LRP1B: variants seen among roughly 807,000 people sequenced by gnomAD.
The protein encoded by LRP1B is LDL receptor related protein 1B, also known as low-density lipoprotein receptor-related protein 1B.
LRP1B carries 217 observed loss-of-function variants against 556.6 expected under a neutral mutation model. The ratio of observed to expected loss-of-function variants is 0.39; its 90% CI spans 0.35 to 0.44. LRP1B has a LOEUF of 0.44. Among genes scored for constraint, LRP1B ranks in the 20% least tolerant of loss-of-function variants. The pLI is 1.00. For missense variants in LRP1B, 5,053 were observed against 5,620.8 expected, an observed-to-expected ratio of 0.90 and a Z score of 3.23; for synonymous variants, 2,047 against 1,865.8, an observed-to-expected ratio of 1.10 and a Z score of -2.50.
intron 1 of LRP1B, among the ~76,000 whole-genome samples, chr2:142,039,859 A>G (rs1047331451): frequency 6.6e-6 from 1 of 151,500 alleles, no homozygotes; most frequent in Non-Finnish European, 1.5e-5. Flanking sequence ...TGCTTGACCA[A>G]ATTGGAGCAT....
intron 2 of LRP1B, among the ~76,000 whole-genome samples, chr2:141,591,581 G>GGTGTGT (rs72043982): frequency 0.083 from 12,343 of 148,126 alleles, 649 homozygotes; most frequent in East Asian, 0.16. Flanking sequence ...ACTGCAGAGT[G>GGTGTGT]GTGTGTGTGT....
intron 35 of LRP1B, among the ~76,000 whole-genome samples, chr2:140,746,342 G>A (rs1688315366): frequency 6.6e-6 from 1 of 152,002 alleles, no homozygotes; most frequent in Non-Finnish European, 1.5e-5. Flanking sequence ...AAACTAAAAC[G>A]AATCATTTTT....
At chr2:141,324,554 T>C (rs986889998) in intron 3 of LRP1B, among the ~76,000 whole-genome samples, 1 of 152,084 alleles carries the variant, frequency 6.6e-6, no homozygotes, top group Non-Finnish European at 1.5e-5. Context: ...ATTAAGAGGA[T>C]GGGAGAGGAA....
intron 15 of LRP1B, among the ~76,000 whole-genome samples, chr2:140,998,161 C>T (rs1213061296): frequency 6.6e-6 from 1 of 152,012 alleles, no homozygotes; most frequent in African/African-American, 2.4e-5. Context: ...ATAAAGATCA[C>T]AGAGTACCAT....
At chr2:141,510,234 A>ACACCC (rs767916859) in intron 2 of LRP1B, among the ~76,000 whole-genome samples, 158 of 145,356 alleles carry the variant, frequency 1.1e-3, no homozygotes, top group African/African-American at 3.9e-3. Context: ...ACACACACAC[A>ACACCC]CCCCCCACAG....
intron 3 of LRP1B, among the ~76,000 whole-genome samples, chr2:141,378,348 T>G (rs572501871): frequency 6.6e-6 from 1 of 151,788 alleles, no homozygotes; most frequent in Admixed American, 6.6e-5. Flanking sequence ...CAACCACGAG[T>G]AAAACTACAG....
At chr2:141,704,792 A>G (rs192106209) in intron 2 of LRP1B, among the ~76,000 whole-genome samples, 1 of 152,006 alleles carries the variant, frequency 6.6e-6, no homozygotes, top group African/African-American at 2.4e-5. Flanking sequence ...GTCATCAACC[A>G]TTATCTGGTA....
intron 3 of LRP1B, among the ~76,000 whole-genome samples, chr2:141,308,844 C>G (rs974839600): frequency 6.6e-6 from 1 of 151,984 alleles, no homozygotes; most frequent in Non-Finnish European, 1.5e-5. Flanking sequence ...TACCAAATAG[C>G]CTTTTTGTCC....
intron 60 of LRP1B, among the ~76,000 whole-genome samples, chr2:140,464,213 TAATA>T (rs538076322): frequency 1.3e-3 from 204 of 151,398 alleles, no homozygotes; most frequent in Non-Finnish European, 2.1e-3. Flanking sequence ...ATAATAATAA[TAATA>T]AATAAAATAA....
At chr2:140,765,163 G>A (rs1411168114) in intron 35 of LRP1B, among the ~76,000 whole-genome samples, 2 of 151,980 alleles carry the variant, frequency 1.3e-5, no homozygotes, top group Middle Eastern at 3.2e-3. Flanking sequence ...CAACTTAGAC[G>A]TGAAGTTCTA....
chr2:140,571,544 G>C (rs1401904867), intron 43 of LRP1B, among the ~76,000 whole-genome samples: 1 of 151,676 alleles, frequency 6.6e-6, no homozygotes, highest in African/African-American at 2.4e-5. Flanking sequence ...CCATGTCTAT[G>C]GTTTAGATGA....
intron 3 of LRP1B, among the ~76,000 whole-genome samples, chr2:141,384,580 T>C (rs1194175522): frequency 1.3e-5 from 2 of 152,082 alleles, no homozygotes; most frequent in East Asian, 3.9e-4. Context: ...AAGCCATGGG[T>C]GGCCTCTGAG....
chr2:140,983,822 T>C (rs1696842042), intron 17 of LRP1B, among the ~76,000 whole-genome samples: 1 of 149,112 alleles, frequency 6.7e-6, no homozygotes, highest in African/African-American at 2.5e-5. Flanking sequence ...CACTATCTGA[T>C]TTTTTACATT....
intron 66 of LRP1B, among the ~76,000 whole-genome samples, chr2:140,415,050 G>T (rs1481877317): frequency 1.3e-5 from 2 of 152,124 alleles, no homozygotes; most frequent in East Asian, 1.9e-4. Context: ...TGTCTTATTC[G>T]ATTGAGATAA....
intron 5 of LRP1B, among the ~76,000 whole-genome samples, chr2:141,234,565 CT>C (rs1193233244): frequency 1.3e-5 from 2 of 151,826 alleles, no homozygotes; most frequent in African/African-American, 4.8e-5. Flanking sequence ...TTAGTAGAGA[CT>C]GGGTTTCACC....
intron 35 of LRP1B, among the ~76,000 whole-genome samples, chr2:140,735,877 A>C (rs866139055): frequency 1.3e-5 from 2 of 152,306 alleles, no homozygotes; most frequent in Middle Eastern, 6.8e-3. Context: ...ATAGCTGCAC[A>C]ACCAGAAAGG....
intron 60 of LRP1B, among the ~76,000 whole-genome samples, chr2:140,472,563 C>G (rs898080272): frequency 6.6e-6 from 1 of 151,776 alleles, no homozygotes; most frequent in Non-Finnish European, 1.5e-5. Context: ...TAGGGTAGAT[C>G]GGGGAGCAAA....
Position 140,421,202 on chromosome 2 carries a change from C to T in LRP1B, c.10414+21302G>A, listed in dbSNP as rs539316612. Among the ~76,000 whole-genome samples the T allele has an allele frequency of 2.6e-5, 4 of 152,114 alleles. No individual in the cohort carries two copies. In the East Asian group the frequency reaches 7.8e-4, roughly 29 times the overall value. ...CCCTGGAGACAGAGACTGCAGTGAG[C>T]CAAGATTGCACCACTGCACCTCAGC... On this transcript the variant is annotated intron_variant, in intron 66 of 90. Transcript: ENST00000389484.
intron 2 of LRP1B, among the ~76,000 whole-genome samples, chr2:141,791,295 C>T (rs1695601398): frequency 6.6e-6 from 1 of 151,848 alleles, no homozygotes; most frequent in Admixed American, 6.6e-5. Context: ...TATTTGTTCA[C>T]CTTTATAAAT....
Sources: allele counts gnomAD v4.1 joint callset (sites outside exome capture counted in the v4.1 genomes callset), GRCh38; gene constraint gnomAD v4.1.1; transcripts MANE v1.5; gene names NCBI Gene and HGNC (gene_info 2026-07-23, HGNC 2026-07-21).